Variants in COLGALT2 observed in about 807,000 individuals in gnomAD.
COLGALT2 encodes the protein collagen beta(1-O)galactosyltransferase 2.
COLGALT2 carries 49 observed loss-of-function variants against 73.4 expected under a neutral mutation model. The observed-to-expected ratio is 0.67, with a 90% confidence interval of 0.53 to 0.85. The LOEUF is 0.85. COLGALT2 is among the 40% of genes least tolerant of loss of function. The pLI, the probability that COLGALT2 is intolerant of heterozygous loss-of-function variation, is 0.00. For missense variants in COLGALT2, 722 were observed against 790.2 expected (o/e 0.91, Z 1.03); for synonymous variants, 295 against 307.6 (o/e 0.96, Z 0.43).
chr1:183,988,003 C>A (rs1280226677), intron 1 of COLGALT2, among the ~76,000 whole-genome samples: 1 of 152,196 alleles, frequency 6.6e-6, no homozygotes, highest in East Asian at 1.9e-4. Flanking sequence ...ATTATTTCAT[C>A]TCTTAATAGC....
intron 1 of COLGALT2, 122 bp from the exon 2 acceptor site, chr1:183,978,642 G>A (rs1671272917): frequency 3.6e-6 from 2 of 563,288 alleles, no homozygotes; most frequent in Admixed American, 3.4e-5. Flanking sequence ...TTGTATATAT[G>A]AAAATAATTC....
intron 6 of COLGALT2, among the ~76,000 whole-genome samples, chr1:183,957,262 A>G (rs994068186): frequency 2.6e-5 from 4 of 152,190 alleles, no homozygotes; most frequent in Non-Finnish European, 5.9e-5. Context: ...AGACAAGGAA[A>G]CAAACATTAA....
rs1649735482 is a variant in COLGALT2 at position 184,037,556 on chromosome 1, G to T, written c.-199C>A. ...CTCCCGCCGCCGCTGCACCGCCCAG[G>T]CCCCAGTGCGGGTGCGCAGCGTACC... is the stretch of plus-strand genomic sequence containing the variant. On this transcript the variant is annotated 5_prime_UTR_variant, in exon 1 of 12. Coordinates refer to ENST00000361927, the MANE Select transcript of COLGALT2 (RefSeq NM_015101.4). The T allele has an allele frequency of 9.0e-6, 10 of 1,117,032 alleles. No individual in the cohort carries two copies. Among genetic ancestry groups the T allele is most frequent in the Non-Finnish European group, 8.7e-6 (8 of 915,818 alleles). 69.2% of individuals were successfully genotyped at this position (1,117,032 alleles called of 1,614,324 possible).
rs761780938 is a variant in COLGALT2, at chr1:183,963,912, A to G, written c.941T>C (p.Ile314Thr). The change falls in exon 6 of 12, where the codon ATT becomes ACT. Residue 314 changes from isoleucine to threonine, a missense_variant. Physicochemically the swap from Ile to Thr is moderately conservative, Grantham distance 89. Transcript: ENST00000361927. ...CCTGGGTCACTCACTCATTGCTTCA[A>G]TCTGCACATGGATGAGGTTCTCGAT... Reference protein sequence around the residue: ...EDIENLIHVQIEAMIDRPPME... With the variant: ...EDIENLIHVQTEAMIDRPPME... 26 of 1,606,952 alleles carry G rather than the reference A, an allele frequency of 1.6e-5. No homozygotes were observed. The highest frequency in any genetic ancestry group is 6.8e-5 in the Admixed American group (4 of 59,192).
chr1:183,965,521 C>T (rs1670843095), intron 5 of COLGALT2, among the ~76,000 whole-genome samples: 1 of 152,080 alleles, frequency 6.6e-6, no homozygotes, highest in South Asian at 2.1e-4. Flanking sequence ...ACGATTATAA[C>T]CAACAAGAAA....
At chr1:183,940,402 C>T (rs1670074860) in intron 11 of COLGALT2, among the ~76,000 whole-genome samples, 179 bp downstream of exon 11, 1 of 152,232 alleles carries the variant, frequency 6.6e-6, no homozygotes, top group South Asian at 2.1e-4. Flanking sequence ...CTCTGCCTCA[C>T]CTTCCCATCT....
chr1:183,941,907 A>AT (rs35704887), intron 10 of COLGALT2, among the ~76,000 whole-genome samples: 24,898 of 150,078 alleles, frequency 0.17, 2,269 homozygotes, highest in Admixed American at 0.25. Context: ...AAATATATAT[A>AT]TTTTTTCCAT....
chr1:184,008,948 G>C (rs968860214), intron 1 of COLGALT2, among the ~76,000 whole-genome samples: 3 of 152,122 alleles, frequency 2.0e-5, no homozygotes, highest in Non-Finnish European at 4.4e-5. Flanking sequence ...TGGTATATGA[G>C]AGACCTTTGT....
chr1:183,955,235 T>C (rs1038597720), intron 6 of COLGALT2, among the ~76,000 whole-genome samples: 1 of 152,236 alleles, frequency 6.6e-6, no homozygotes, highest in East Asian at 1.9e-4. Context: ...ATAATAGAAG[T>C]GTATCTGTGT....
At chr1:183,946,451 C>G (rs892836002) in intron 8 of COLGALT2, 1 of 151,912 alleles carries the variant, frequency 6.6e-6, no homozygotes, top group Non-Finnish European at 1.5e-5. Context: ...CTCTGGCTGA[C>G]CTTAAGGATC....
intron 1 of COLGALT2, among the ~76,000 whole-genome samples, chr1:184,031,623 T>G (rs1225652343): frequency 1.3e-5 from 2 of 152,248 alleles, no homozygotes; most frequent in African/African-American, 4.8e-5. Flanking sequence ...CAACATTAGC[T>G]GCCTGGGTCA....
rs547777352 is a variant in COLGALT2 at position 184,018,088 on chromosome 1, A to G, written c.263+19007T>C. ...AACAAACAATAAAGACATTAAGCAG[A>G]CACAATTGTCATGTTAGTTAAAGCT... On this transcript the variant is annotated intron_variant, in intron 1 of 11. Transcript: ENST00000361927. Among the ~76,000 whole-genome samples the G allele has an allele frequency of 3.3e-5, 5 of 152,340 alleles. No homozygotes were observed. In the South Asian group the frequency reaches 1.0e-3, roughly 32 times the overall value.
Position 183,938,947 on chromosome 1 carries a change from C to T in COLGALT2, c.1695G>A (p.Gln565=), listed in dbSNP as rs1670037189. 6.2e-7 allele frequency: 1 copy of T among 1,614,146 alleles called. No individual in the cohort carries two copies. The highest frequency in any genetic ancestry group is 1.3e-5 in the African/African-American group (1 of 75,026). ...TCTCCGTGTCACTCAGGTACCCCGG[C>T]TGGCCTGTGTAGTGCGTAGGGTAGA... ...LLIYPTHYTG[Q]PGYLSDTETS... Residue 565 remains glutamine, a synonymous_variant, in exon 12 of 12, where the codon CAG becomes CAA. Transcript: ENST00000361927.
intron 6 of COLGALT2, among the ~76,000 whole-genome samples, chr1:183,959,860 C>T (rs1670649658): frequency 6.6e-6 from 1 of 152,120 alleles, no homozygotes; most frequent in Non-Finnish European, 1.5e-5. Context: ...ATTCTTTATG[C>T]CCCAATCATG....
At position 183,945,484 on chromosome 1, in the gene COLGALT2, A is replaced by T. The variant is rs1245618139; in HGVS notation, c.1217T>A (p.Leu406Gln). Residue 406 changes from leucine to glutamine, a missense_variant, in exon 9 of 12, where the codon CTA (leucine) becomes CAA (glutamine). Leu to Gln is a moderately radical substitution (Grantham distance 113). Transcript: ENST00000361927. ...AAAGCAGCCGATTTCACCCCTTGTTAGAGGCCTGGAGGAATAGGGATCTCG... is the reference window on the plus strand; with the variant it reads ...AAAGCAGCCGATTTCACCCCTTGTTTGAGGCCTGGAGGAATAGGGATCTCG... ...GYRDPYSSRP[L>Q]TRGEIGCFLS... 1 of 1,614,224 alleles carries T rather than the reference A, an allele frequency of 6.2e-7. No homozygotes were observed. The highest frequency in any genetic ancestry group is 2.2e-5 in the East Asian group (1 of 44,886).
rs150469369 is a variant in COLGALT2 at position 183,983,566 on chromosome 1, C to T, written c.264-5046G>A. ...GGAGGAAACCCGAGGCTGGTGCTAA[C>T]GGTTCTATTTTCAGAGCCCTGTAGC... On this transcript the variant is annotated intron_variant, in intron 1 of 11. Coordinates refer to ENST00000361927, the MANE Select transcript of COLGALT2 (RefSeq NM_015101.4). Among the ~76,000 whole-genome samples the T allele has an allele frequency of 8.7e-3, 1,328 of 152,310 alleles. 21 individuals carry two copies. The highest frequency in any genetic ancestry group is 0.03 in the African/African-American group (1,232 of 41,552).
Position 183,973,705 on chromosome 1 carries a change from G to A in COLGALT2, c.538C>T (p.Leu180=). The A allele has an allele frequency of 1.9e-6, 3 of 1,613,898 alleles. No individual in the cohort carries two copies. The highest frequency in any genetic ancestry group is 2.5e-6 in the Non-Finnish European group (3 of 1,179,874). The change falls in exon 4 of 12, where the codon CTA becomes TTA. Residue 180 remains leucine, a synonymous_variant. Coordinates refer to ENST00000361927, the MANE Select transcript of COLGALT2 (RefSeq NM_015101.4). ...NFLTNPQTLN[L]LIAENKTIVA... ...ATAGTTTTGTTTTCTGCAATCAGTA[G>A]ATTGAGGGTCTGTGGATTAGTCAGG...
intron 1 of COLGALT2, among the ~76,000 whole-genome samples, chr1:184,004,550 A>C (rs1160318875): frequency 6.6e-6 from 1 of 152,208 alleles, no homozygotes; most frequent in East Asian, 1.9e-4. Context: ...AGAGGCAACT[A>C]CTTCTCTATA....
At chr1:184,016,216 C>A (rs1344719320) in intron 1 of COLGALT2, among the ~76,000 whole-genome samples, 1 of 152,092 alleles carries the variant, frequency 6.6e-6, no homozygotes, top group Admixed American at 6.5e-5. Flanking sequence ...CTGAATTACA[C>A]CAAAGATTCA....
Sources: allele counts gnomAD v4.1 joint callset (sites outside exome capture counted in the v4.1 genomes callset), GRCh38; gene constraint gnomAD v4.1.1; transcripts MANE v1.5; gene names NCBI Gene and HGNC (gene_info 2026-07-23, HGNC 2026-07-21).